The following TBCK variants were observed in gnomAD, a reference collection of about 807,000 sequenced individuals.
TBCK encodes TBC domain-containing protein kinase-like protein.
In TBCK, 99 loss-of-function variants were observed where a neutral mutation model predicts 113.4. The ratio of observed to expected loss-of-function variants is 0.87; its 90% CI spans 0.74 to 1.03. The LOEUF is 1.03. TBCK is among the 50% of genes least tolerant of loss of function. TBCK has a pLI of 0.00. For synonymous variants in TBCK, 369 were observed against 370.8 expected (o/e 1.00, Z 0.05); for missense variants, 1,045 against 1,061.3 (o/e 0.98, Z 0.21).
intron 15 of TBCK, among the ~76,000 whole-genome samples, chr4:106,234,447 TC>T (rs1357064183): frequency 6.6e-6 from 1 of 152,112 alleles, no homozygotes; most frequent in Non-Finnish European, 1.5e-5. Context: ...GTTGAGGATT[TC>T]TAAAAATTTT....
chr4:106,141,446 C>T (rs936067658), intron 23 of TBCK, among the ~76,000 whole-genome samples: 1 of 139,590 alleles, frequency 7.2e-6, no homozygotes, highest in African/African-American at 2.5e-5. Context: ...TTATTATCAC[C>T]ATTTTATGAA....
At chr4:106,212,378 C>T (rs1756253798) in intron 20 of TBCK, among the ~76,000 whole-genome samples, 1 of 152,118 alleles carries the variant, frequency 6.6e-6, no homozygotes. Flanking sequence ...TCTATCTAAG[C>T]TCCCAAAGTA....
chr4:106,078,873 G>T (rs761297515), intron 25 of TBCK, among the ~76,000 whole-genome samples: 3 of 152,018 alleles, frequency 2.0e-5, no homozygotes, highest in Non-Finnish European at 4.4e-5. Context: ...TGATGAACAT[G>T]CAAAAATCTT....
chr4:106,298,405 C>T (rs1245661265), intron 2 of TBCK, among the ~76,000 whole-genome samples: 1 of 151,458 alleles, frequency 6.6e-6, no homozygotes, highest in Non-Finnish European at 1.5e-5. Flanking sequence ...CAGGAGACCA[C>T]CCTGGCTAAC....
chr4:106,158,879 T>C (rs1376625969), intron 23 of TBCK, among the ~76,000 whole-genome samples: 2 of 152,050 alleles, frequency 1.3e-5, no homozygotes, highest in African/African-American at 2.4e-5. Flanking sequence ...TTAAGAATAT[T>C]GAAACAACAA....
At chr4:106,295,208 C>T (rs764677250) in intron 2 of TBCK, 42 bp from the exon 3 acceptor site, 6 of 1,568,036 alleles carry the variant, frequency 3.8e-6, no homozygotes, top group East Asian at 4.5e-5. Flanking sequence ...TTTATCAATA[C>T]AACATGTTAA....
At chr4:106,048,070 C>CAAG (rs1255032806) in intron 25 of TBCK, among the ~76,000 whole-genome samples, 1 of 152,104 alleles carries the variant, frequency 6.6e-6, no homozygotes, top group Non-Finnish European at 1.5e-5. Context: ...AGGACAAGTT[C>CAAG]AAGGCCTCAC....
At chr4:106,181,545 A>C (rs1272886703) in intron 22 of TBCK, among the ~76,000 whole-genome samples, 1 of 152,126 alleles carries the variant, frequency 6.6e-6, no homozygotes, top group Non-Finnish European at 1.5e-5. Context: ...TGATTTTTGT[A>C]TAAGGTGTAA....
At chr4:106,174,416 C>T (rs1751391537) in intron 22 of TBCK, among the ~76,000 whole-genome samples, 1 of 151,958 alleles carries the variant, frequency 6.6e-6, no homozygotes, top group Non-Finnish European at 1.5e-5. Context: ...GAATTTTTTT[C>T]TTCTGAGTTA....
intron 25 of TBCK, among the ~76,000 whole-genome samples, chr4:106,085,113 C>T (rs551709396): frequency 6.6e-6 from 1 of 152,150 alleles, no homozygotes; most frequent in Admixed American, 6.5e-5. Context: ...CCTTAAATGT[C>T]AATGGGCTAA....
At position 106,116,197 on chromosome 4, in the gene TBCK, G is replaced by T; in HGVS notation, c.2411+6C>A. Reference sequence around the variant, plus strand: ...CACCCTTTAAAACAGCATATGCAAAGGATACTCTTCACTATTCCGGATGTC... The same window carrying T: ...CACCCTTTAAAACAGCATATGCAAATGATACTCTTCACTATTCCGGATGTC... On this transcript the variant is annotated splice_donor_region_variant and intron_variant, in intron 24 of 25. Coordinates refer to ENST00000394708, the MANE Select transcript of TBCK (RefSeq NM_001163435.3). 6.2e-7 allele frequency: 1 copy of T among 1,613,498 alleles called. No homozygotes were observed. The highest frequency in any genetic ancestry group is 8.5e-7 in the Non-Finnish European group (1 of 1,179,732).
Position 106,231,789 on chromosome 4 carries a change from AG to A in TBCK, c.1640-11del. ...CAAAGTGAGTCAAGACCTAACACAG[AG>A]GGGTTGGGAGAAAGAAGTCAAATAA... On this transcript the variant is annotated splice_polypyrimidine_tract_variant and intron_variant, in intron 17 of 25. Coordinates refer to ENST00000394708, the MANE Select transcript of TBCK (RefSeq NM_001163435.3). 1 of 1,606,022 alleles carries A rather than the reference AG, an allele frequency of 6.2e-7. No homozygotes were observed. The highest frequency in any genetic ancestry group is 8.5e-7 in the Non-Finnish European group (1 of 1,176,310).
At chr4:106,112,562 T>A (rs1186662717) in intron 24 of TBCK, among the ~76,000 whole-genome samples, 1 of 152,200 alleles carries the variant, frequency 6.6e-6, no homozygotes, top group Non-Finnish European at 1.5e-5. Flanking sequence ...ACTTTTTCCA[T>A]TCAGCTCATC....
At chr4:106,060,944 A>G (rs1020548802) in intron 25 of TBCK, among the ~76,000 whole-genome samples, 4 of 151,762 alleles carry the variant, frequency 2.6e-5, no homozygotes, top group Non-Finnish European at 5.9e-5. Context: ...TGGAAATAGT[A>G]AAAGAACTAG....
At chr4:106,199,729 C>G (rs1289382571) in intron 20 of TBCK, among the ~76,000 whole-genome samples, 1 of 152,176 alleles carries the variant, frequency 6.6e-6, no homozygotes, top group Non-Finnish European at 1.5e-5. Flanking sequence ...ATATTTGTCA[C>G]CAGTAGTCCT....
chr4:106,134,595 T>C (rs889067998), intron 23 of TBCK, among the ~76,000 whole-genome samples: 1 of 152,266 alleles, frequency 6.6e-6, no homozygotes, highest in Non-Finnish European at 1.5e-5. Context: ...TAAGATACGA[T>C]GTACTTCCAT....
intron 25 of TBCK, among the ~76,000 whole-genome samples, chr4:106,079,600 A>G (rs1474578812): frequency 6.6e-6 from 1 of 152,200 alleles, no homozygotes. Context: ...ATATCTAACT[A>G]AGAAGGTGAA....
intron 25 of TBCK, among the ~76,000 whole-genome samples, chr4:106,075,981 G>C (rs1738146546): frequency 6.6e-6 from 1 of 152,216 alleles, no homozygotes; most frequent in Admixed American, 6.5e-5. Flanking sequence ...GGAGCTCACT[G>C]AGTTAAGGGT....
chr4:106,151,391 T>C (rs1339495146), intron 23 of TBCK, among the ~76,000 whole-genome samples: 6 of 152,036 alleles, frequency 3.9e-5, no homozygotes, highest in South Asian at 2.1e-4. Flanking sequence ...GTAACAATCC[T>C]TGTACTCTCT....
Sources: allele counts gnomAD v4.1 joint callset (sites outside exome capture counted in the v4.1 genomes callset), GRCh38; gene constraint gnomAD v4.1.1; transcripts MANE v1.5; gene names NCBI Gene and HGNC (gene_info 2026-07-23, HGNC 2026-07-21).